Variants in TNR observed in about 807,000 individuals in gnomAD.
TNR encodes tenascin R.
In TNR, 45 loss-of-function variants were observed where a neutral mutation model predicts 150.4. The observed-to-expected ratio is 0.30, with a 90% CI of 0.24 to 0.38. The LOEUF (loss-of-function observed/expected upper bound fraction) is 0.38. Among genes scored for constraint, TNR ranks in the 10% least tolerant of loss-of-function variants. The pLI is 1.00. For missense variants in TNR, 1,544 were observed against 1,759.1 expected (o/e 0.88, Z 2.19); for synonymous variants, 687 against 678.4 (o/e 1.01, Z -0.20).
Position 175,321,097 on chromosome 1 carries a change from C to T in TNR, c.*2260G>A, listed in dbSNP as rs573726319. On this transcript the variant is annotated 3_prime_UTR_variant, in exon 23 of 23. Coordinates refer to ENST00000367674, the MANE Select transcript of TNR (RefSeq NM_003285.3). ...AGTTTCCCATGCAATGTGCTTCCTA[C>T]TATTCATTGTTGCCCCGTCTCTAGG... 48 of 152,316 alleles carry T rather than the reference C, an allele frequency of 3.2e-4. No individual in the cohort carries two copies. Among genetic ancestry groups the T allele is most frequent in the African/African-American group, 1.1e-3 (44 of 41,556 alleles). 9.4% of individuals were successfully genotyped at this position (152,316 alleles called of 1,614,324 possible).
At chr1:175,732,442 G>A (rs909133225) in intron 1 of TNR, among the ~76,000 whole-genome samples, 4 of 152,204 alleles carry the variant, frequency 2.6e-5, no homozygotes, top group African/African-American at 7.2e-5. Flanking sequence ...TTTGGACCTG[G>A]ATTCTTTTCT....
chr1:175,459,637 G>A (rs1269561590), intron 2 of TNR, among the ~76,000 whole-genome samples: 3 of 152,216 alleles, frequency 2.0e-5, no homozygotes, highest in African/African-American at 7.2e-5. Flanking sequence ...TCTGAAGGAA[G>A]ATCCAGTTCT....
rs1667533403 is a variant in TNR, at chr1:175,728,215, T to C, written c.-165+15011A>G. On this transcript the variant is annotated intron_variant, in intron 1 of 22. Transcript: ENST00000367674. The stretch of plus-strand genomic sequence containing the variant: ...GTAAGGTGAGGCCAGGGTGAGGCTA[T>C]GGATGGCTAAAAAGAGGCAAGGTCA... Among the ~76,000 whole-genome samples, 3 of 152,252 alleles carry C rather than the reference T, an allele frequency of 2.0e-5. No individual in the cohort carries two copies. In the South Asian group the frequency reaches 6.2e-4, roughly 32 times the overall value.
At chr1:175,600,227 A>G (rs1301492125) in intron 1 of TNR, among the ~76,000 whole-genome samples, 1 of 152,210 alleles carries the variant, frequency 6.6e-6, no homozygotes, top group Non-Finnish European at 1.5e-5. Flanking sequence ...TGAGGTGTAT[A>G]TTTAGAATGA....
chr1:175,321,618 A>G lies in TNR; in HGVS notation c.*1739T>C, dbSNP rs1214465871. 1 of 152,400 alleles carries G rather than the reference A, an allele frequency of 6.6e-6. No individual in the cohort carries two copies. The highest frequency in any genetic ancestry group is 1.5e-5 in the Non-Finnish European group (1 of 68,082). 9.4% of individuals were successfully genotyped at this position (152,400 alleles called of 1,614,324 possible). A position where few individuals can be genotyped will look rare whatever the true frequency, so the allele number is the denominator to read the frequency against. Reference sequence around the variant, plus strand: ...TGGTTGCTGATATTGGATTTGGAGGAGAAATTGAAAGGTCACGGCTTCTAG... The same window carrying G: ...TGGTTGCTGATATTGGATTTGGAGGGGAAATTGAAAGGTCACGGCTTCTAG... On this transcript the variant is annotated 3_prime_UTR_variant, in exon 23 of 23. Transcript: ENST00000367674.
At chr1:175,692,404 G>A (rs974191374) in intron 1 of TNR, among the ~76,000 whole-genome samples, 1 of 152,248 alleles carries the variant, frequency 6.6e-6, no homozygotes, top group African/African-American at 2.4e-5. Flanking sequence ...TTCCAAGATG[G>A]ACCAAATATA....
intron 9 of TNR, among the ~76,000 whole-genome samples, chr1:175,372,285 T>C (rs1652143664): frequency 6.6e-6 from 1 of 152,198 alleles, no homozygotes; most frequent in Non-Finnish European, 1.5e-5. Flanking sequence ...TATTCCTTTA[T>C]AGTAATGCAA....
intron 21 of TNR, among the ~76,000 whole-genome samples, chr1:175,329,079 A>G (rs1214930181): frequency 6.6e-6 from 1 of 152,246 alleles, no homozygotes; most frequent in Non-Finnish European, 1.5e-5. Context: ...GAGCATAATA[A>G]AGGAAAGCAT....
At chr1:175,572,571 T>C (rs529494800) in intron 1 of TNR, among the ~76,000 whole-genome samples, 2 of 152,258 alleles carry the variant, frequency 1.3e-5, no homozygotes, top group South Asian at 4.2e-4. Flanking sequence ...GGCACTGTCA[T>C]CCATCTGTGG....
chr1:175,540,484 C>G (rs57620525), intron 1 of TNR, among the ~76,000 whole-genome samples: 8,328 of 152,204 alleles, frequency 0.055, 324 homozygotes, highest in African/African-American at 0.1. Flanking sequence ...ATTCTTATGG[C>G]TAAGGAAAGG....
chr1:175,447,685 GTTGTTA>G (rs1054650691), intron 2 of TNR, among the ~76,000 whole-genome samples: 4 of 152,092 alleles, frequency 2.6e-5, no homozygotes, highest in African/African-American at 9.7e-5. Context: ...TGTTGTTGTT[GTTGTTA>G]GTTGCTTTCT....
Position 175,476,828 on chromosome 1 carries a change from A to C in TNR, c.-64+51441T>G, listed in dbSNP as rs117169389. ...ACCCTTCGGGAATTTGAACTCTGGA[A>C]GCTCAGAATGTGGGTGAGGGCAGCA... On this transcript the variant is annotated intron_variant, in intron 2 of 22. Coordinates refer to ENST00000367674, the MANE Select transcript of TNR (RefSeq NM_003285.3). Among the ~76,000 whole-genome samples, 54 of 152,324 alleles carry C rather than the reference A, an allele frequency of 3.5e-4. No individual in the cohort carries two copies. The East Asian group carries it at 9.5e-3, about 27-fold the overall frequency.
chr1:175,703,994 GTTATC>G (rs796359286), intron 1 of TNR, among the ~76,000 whole-genome samples: 11 of 152,248 alleles, frequency 7.2e-5, no homozygotes, highest in Middle Eastern at 6.8e-3. Flanking sequence ...ATTTCTTTGT[GTTATC>G]TTATTTTTTA....
At chr1:175,616,624 G>T (rs1321887563) in intron 1 of TNR, among the ~76,000 whole-genome samples, 1 of 152,198 alleles carries the variant, frequency 6.6e-6, no homozygotes, top group African/African-American at 2.4e-5. Flanking sequence ...GGCAAGGAGG[G>T]CTGTGCTCCT....
intron 1 of TNR, among the ~76,000 whole-genome samples, chr1:175,581,747 T>C (rs952570766): frequency 2.0e-5 from 3 of 152,190 alleles, no homozygotes; most frequent in Admixed American, 2.0e-4. Flanking sequence ...AGGTTTATAG[T>C]GTTGGTGACA....
chr1:175,582,158 C>CT (rs1662372794), intron 1 of TNR, among the ~76,000 whole-genome samples: 2 of 152,080 alleles, frequency 1.3e-5, no homozygotes, highest in African/African-American at 4.8e-5. Flanking sequence ...GCCTTTTTAC[C>CT]TACAACTCTT....
intron 1 of TNR, among the ~76,000 whole-genome samples, chr1:175,676,009 T>A (rs1665853794): frequency 6.6e-6 from 1 of 152,148 alleles, no homozygotes; most frequent in Admixed American, 6.5e-5. Context: ...TATTAATCCA[T>A]AATATGCATG....
At chr1:175,717,180 A>G (rs917248921) in intron 1 of TNR, among the ~76,000 whole-genome samples, 1 of 152,184 alleles carries the variant, frequency 6.6e-6, no homozygotes, top group African/African-American at 2.4e-5. Flanking sequence ...CACCTCATAA[A>G]TAAAACTTTG....
intron 18 of TNR, among the ~76,000 whole-genome samples, chr1:175,344,574 A>G (rs899515112): frequency 2.6e-5 from 4 of 152,194 alleles, no homozygotes; most frequent in Admixed American, 6.5e-5. Flanking sequence ...AGTACAAACA[A>G]TTCTATGGAA....
Sources: gnomAD v4.1 joint callset for allele counts (sites outside exome capture counted in the v4.1 genomes callset) on GRCh38, gnomAD v4.1.1 for gene constraint, MANE v1.5 for transcripts, NCBI Gene and HGNC (gene_info 2026-07-23, HGNC 2026-07-21) for gene names.